The following BCAT1 variants were observed in gnomAD, a reference collection of about 807,000 sequenced individuals.
The protein encoded by BCAT1 is branched-chain-amino-acid aminotransferase, cytosolic.
Under a neutral mutation model 52.4 loss-of-function variants are expected in BCAT1, and 48 were observed. The observed-to-expected ratio is 0.92, with a 90% CI of 0.73 to 1.16. BCAT1 has a LOEUF of 1.16. Among genes scored for constraint, BCAT1 ranks in the 50% most tolerant of loss-of-function variants. The probability of loss-of-function intolerance (pLI) is 0.00; values close to 1 mark genes in which losing one functional copy is unlikely to be tolerated. For missense variants in BCAT1, 451 were observed against 457.1 expected (o/e 0.99, Z 0.12); for synonymous variants, 167 against 161.3 (o/e 1.04, Z -0.27).
At chr12:24,886,806 G>A (rs964500233) in intron 3 of BCAT1, among the ~76,000 whole-genome samples, 7 of 145,598 alleles carry the variant, frequency 4.8e-5, no homozygotes, top group African/African-American at 1.8e-4. Context: ...ACACCAGCCT[G>A]GGCAACATAG....
At chr12:24,932,847 C>T (rs945168340) in intron 1 of BCAT1, among the ~76,000 whole-genome samples, 14 of 150,114 alleles carry the variant, frequency 9.3e-5, no homozygotes, top group African/African-American at 2.9e-4. Flanking sequence ...AGTCTCGCTC[C>T]GTCGCCCAGG....
intron 5 of BCAT1, among the ~76,000 whole-genome samples, chr12:24,861,598 C>T (rs572598463): frequency 6.6e-6 from 1 of 152,290 alleles, no homozygotes; most frequent in South Asian, 2.1e-4. Context: ...TGTATTCAGC[C>T]AGAAGAAGCT....
At chr12:24,848,100 A>G (rs940960041) in intron 6 of BCAT1, among the ~76,000 whole-genome samples, 11 of 152,178 alleles carry the variant, frequency 7.2e-5, no homozygotes, top group Non-Finnish European at 1.2e-4. Context: ...TTTTTAATTT[A>G]TGAGTTCAAT....
At chr12:24,948,199 T>C (rs1943963074) in intron 1 of BCAT1, among the ~76,000 whole-genome samples, 1 of 152,234 alleles carries the variant, frequency 6.6e-6, no homozygotes, top group Admixed American at 6.5e-5. Context: ...TCTTCGGGTT[T>C]TATATGCGAT....
chr12:24,906,663 A>G (rs112407268), intron 1 of BCAT1, among the ~76,000 whole-genome samples: 4 of 152,322 alleles, frequency 2.6e-5, no homozygotes, highest in African/African-American at 7.2e-5. Context: ...CTCTGTTTCC[A>G]TTAAACTGTA....
chr12:24,882,899 C>T (rs1333779298), intron 3 of BCAT1, among the ~76,000 whole-genome samples: 1 of 152,104 alleles, frequency 6.6e-6, no homozygotes, highest in African/African-American at 2.4e-5. Flanking sequence ...CTGCACCTGG[C>T]CTGCAAATAC....
intron 1 of BCAT1, chr12:24,903,883 G>C (rs1414287319): frequency 6.6e-6 from 1 of 152,202 alleles, no homozygotes. Flanking sequence ...AGCCTTCCTG[G>C]TTTTTAAATT....
chr12:24,927,313 A>G (rs1390528453), intron 1 of BCAT1, among the ~76,000 whole-genome samples: 1 of 152,194 alleles, frequency 6.6e-6, no homozygotes, highest in African/African-American at 2.4e-5. Context: ...GTCTCGAAAA[A>G]AAAAGAAAAG....
At chr12:24,908,325 C>T (rs763732390) in intron 1 of BCAT1, among the ~76,000 whole-genome samples, 4 of 152,196 alleles carry the variant, frequency 2.6e-5, no homozygotes, top group Non-Finnish European at 4.4e-5. Context: ...CTGATGGAAA[C>T]GTTCTATATC....
At chr12:24,887,675 C>T (rs1591841090) in intron 3 of BCAT1, among the ~76,000 whole-genome samples, 1 of 152,180 alleles carries the variant, frequency 6.6e-6, no homozygotes, top group Non-Finnish European at 1.5e-5. Flanking sequence ...TTTATTAGTA[C>T]ACATTAAATA....
chr12:24,928,905 TTTTTA>T (rs531905786), intron 1 of BCAT1, among the ~76,000 whole-genome samples: 1 of 151,796 alleles, frequency 6.6e-6, no homozygotes, highest in Non-Finnish European at 1.5e-5. Flanking sequence ...CGGCTAATTT[TTTTTA>T]TTTTATTTTA....
chr12:24,910,180 C>T (rs1048839222), intron 1 of BCAT1, among the ~76,000 whole-genome samples: 6 of 151,978 alleles, frequency 3.9e-5, no homozygotes, highest in Admixed American at 3.9e-4. Flanking sequence ...TCGAGACCAA[C>T]CTGGCCAACA....
At chr12:24,909,821 TACCCCACCTAGAACCCAGTC>T (rs1339922667) in intron 1 of BCAT1, among the ~76,000 whole-genome samples, 2 of 152,222 alleles carry the variant, frequency 1.3e-5, no homozygotes, top group East Asian at 3.8e-4. Flanking sequence ...ATCTTGGAAC[TACCCCACCTAGAACCCAGTC>T]ACCCCAGCTA....
intron 3 of BCAT1, among the ~76,000 whole-genome samples, chr12:24,887,080 A>AAAAAAATATATATATAT (rs1245203518): frequency 4.9e-5 from 2 of 40,748 alleles, no homozygotes; most frequent in Non-Finnish European, 1.0e-4. Flanking sequence ...AAAAAAAAAA[A>AAAAAAATATATATATAT]ATATATATAT....
At chr12:24,946,634 G>C (rs1160012023) in intron 1 of BCAT1, among the ~76,000 whole-genome samples, 1 of 152,214 alleles carries the variant, frequency 6.6e-6, no homozygotes, top group African/African-American at 2.4e-5. Context: ...TGCGTACGGG[G>C]GGACGTGACT....
At chr12:24,824,676 C>A (rs538608739) in intron 10 of BCAT1, among the ~76,000 whole-genome samples, 1 of 152,056 alleles carries the variant, frequency 6.6e-6, no homozygotes, top group Non-Finnish European at 1.5e-5. Flanking sequence ...ACAGAATGTA[C>A]AATTTGTTTA....
intron 10 of BCAT1, among the ~76,000 whole-genome samples, chr12:24,826,008 T>G (rs188558585): frequency 8.5e-5 from 13 of 152,238 alleles, no homozygotes; most frequent in Non-Finnish European, 1.5e-5. Context: ...GTTCAGGAGT[T>G]CGAGACCAGC....
chr12:24,937,924 G>A (rs1020779912), intron 1 of BCAT1, among the ~76,000 whole-genome samples: 1 of 152,200 alleles, frequency 6.6e-6, no homozygotes, highest in South Asian at 2.1e-4. Context: ...TGATTCAAAG[G>A]TCTGGGATAT....
At chr12:24,898,571 A>G (rs559041719) in intron 2 of BCAT1, among the ~76,000 whole-genome samples, 2 of 117,130 alleles carry the variant, frequency 1.7e-5, no homozygotes, top group South Asian at 6.1e-4. Context: ...GCTGGAGTGC[A>G]GTGGCACAAT....
Sources: allele counts gnomAD v4.1 joint callset (sites outside exome capture counted in the v4.1 genomes callset), GRCh38; gene constraint gnomAD v4.1.1; transcripts MANE v1.5; gene names NCBI Gene and HGNC (gene_info 2026-07-23, HGNC 2026-07-21).